Variants in COL21A1 observed in about 807,000 individuals in gnomAD.
COL21A1 encodes the protein collagen alpha-1(XXI) chain.
COL21A1 carries 149 observed loss-of-function variants against 137.9 expected under a neutral mutation model. The observed-to-expected ratio is 1.08, with a 90% CI of 0.95 to 1.24. The LOEUF is 1.24. COL21A1 is among the 50% of genes most tolerant of loss of function. The pLI, the probability that COL21A1 is intolerant of heterozygous loss-of-function variation, is 0.00. For missense variants in COL21A1, 1,167 were observed against 1,158.4 expected, an observed-to-expected ratio of 1.01 and a Z score of -0.11; for synonymous variants, 456 against 391.5, an observed-to-expected ratio of 1.16 and a Z score of -1.95.
At chr6:56,082,296 A>C (rs1462127955) in intron 17 of COL21A1, among the ~76,000 whole-genome samples, 1 of 151,524 alleles carries the variant, frequency 6.6e-6, no homozygotes, top group African/African-American at 2.4e-5. Context: ...TCAGTAAGTG[A>C]AATGCATATG....
chr6:56,324,683 T>C (rs1413901124), intron 1 of COL21A1, among the ~76,000 whole-genome samples: 2 of 152,040 alleles, frequency 1.3e-5, no homozygotes, highest in Admixed American at 1.3e-4. Context: ...CCCAAGTATA[T>C]TACATTAATA....
At chr6:56,140,206 T>C (rs1363591108) in intron 12 of COL21A1, among the ~76,000 whole-genome samples, 1 of 152,194 alleles carries the variant, frequency 6.6e-6, no homozygotes, top group Non-Finnish European at 1.5e-5. Flanking sequence ...ATTTAAAGTA[T>C]TTTTTAGATT....
chr6:56,351,666 G>A (rs1765713777), intron 1 of COL21A1, among the ~76,000 whole-genome samples: 1 of 152,186 alleles, frequency 6.6e-6, no homozygotes, highest in African/African-American at 2.4e-5. Flanking sequence ...CATATTCCAT[G>A]CTCACATCCC....
chr6:56,161,367 A>G (rs150368013), intron 9 of COL21A1, among the ~76,000 whole-genome samples: 16 of 152,326 alleles, frequency 1.1e-4, no homozygotes, highest in Non-Finnish European at 2.2e-4. Context: ...AAGCAGGGGA[A>G]GAAGCTGTTA....
chr6:56,131,544 A>G (rs932153150), intron 12 of COL21A1, among the ~76,000 whole-genome samples: 1 of 152,078 alleles, frequency 6.6e-6, no homozygotes, highest in Non-Finnish European at 1.5e-5. Context: ...AGATGTGGCT[A>G]TAAACACCAT....
At chr6:56,259,141 G>C (rs879930771) in intron 1 of COL21A1, among the ~76,000 whole-genome samples, 3 of 152,166 alleles carry the variant, frequency 2.0e-5, no homozygotes, top group Admixed American at 2.0e-4. Flanking sequence ...TAGAAGAGCT[G>C]ATTTGGGAAG....
chr6:56,229,886 C>A lies in COL21A1; in HGVS notation c.-39+17501G>T, dbSNP rs77218390. ...AAATTCATCCCCTCCACCACCACCA[C>A]CAGCAGCAACAAAAAACTGGAGGGA... On this transcript the variant is annotated intron_variant, in intron 1 of 29. Transcript: ENST00000244728. Among the ~76,000 whole-genome samples the A allele has an allele frequency of 1.3e-3, 190 of 151,954 alleles. No individual in the cohort carries two copies. The East Asian group carries it at 0.013, about 10-fold the overall frequency.
At chr6:56,098,943 C>T (rs1362384450) in intron 17 of COL21A1, among the ~76,000 whole-genome samples, 2 of 150,186 alleles carry the variant, frequency 1.3e-5, no homozygotes, top group Non-Finnish European at 3.0e-5. Flanking sequence ...TCTCAATCTC[C>T]TGCCCTCATG....
At chr6:56,150,011 T>C (rs1405033559) in intron 10 of COL21A1, among the ~76,000 whole-genome samples, 1 of 152,238 alleles carries the variant, frequency 6.6e-6, no homozygotes, top group African/African-American at 2.4e-5. Context: ...CTATGCCATC[T>C]TCCCTTCCTT....
chr6:56,195,670 A>T (rs1778973305), intron 1 of COL21A1, among the ~76,000 whole-genome samples: 1 of 152,108 alleles, frequency 6.6e-6, no homozygotes, highest in Non-Finnish European at 1.5e-5. Context: ...AAACTTACCA[A>T]AACTGAATGA....
At chr6:56,159,269 A>AAAG (rs1311697071) in intron 9 of COL21A1, among the ~76,000 whole-genome samples, 4 of 152,022 alleles carry the variant, frequency 2.6e-5, no homozygotes, top group African/African-American at 9.7e-5. Context: ...GTGTTTTCTC[A>AAAG]AAGTTTTCCC....
chr6:56,246,045 G>A (rs1482745861), intron 1 of COL21A1, among the ~76,000 whole-genome samples: 4 of 151,868 alleles, frequency 2.6e-5, no homozygotes, highest in African/African-American at 9.7e-5. Flanking sequence ...TTGAACTAAT[G>A]GCTTAGAAAC....
chr6:56,233,877 T>C (rs1228041049), intron 1 of COL21A1, among the ~76,000 whole-genome samples: 1 of 151,726 alleles, frequency 6.6e-6, no homozygotes, highest in African/African-American at 2.4e-5. Context: ...AGACTTCTCA[T>C]CACAAAAGTG....
At chr6:56,264,436 A>G in intron 1 of COL21A1, among the ~76,000 whole-genome samples, 1 of 152,088 alleles carries the variant, frequency 6.6e-6, no homozygotes, top group East Asian at 1.9e-4. Flanking sequence ...TCCCTTTGGG[A>G]TGTTTATTCC....
intron 1 of COL21A1, among the ~76,000 whole-genome samples, chr6:56,236,663 T>A (rs1781922788): frequency 6.6e-6 from 1 of 152,042 alleles, no homozygotes; most frequent in African/African-American, 2.4e-5. Context: ...CATTAGACCA[T>A]ATGGAACTCA....
In COL21A1 at chr6:56,170,721, T is replaced by C. The variant is rs758972583; in HGVS notation, c.954A>G (p.Lys318=). The change falls in exon 5 of 30, where the codon AAA becomes AAG. Residue 318 remains lysine (K), a synonymous_variant. Coordinates refer to ENST00000244728, the MANE Select transcript of COL21A1 (RefSeq NM_030820.4). ...CGCTGGTTGTTGTAAATAATAAGAT[T>C]TTGTCCACACCATTTAAGGTAACTG... ...QIAVTLNGVD[K]ILLFTTTSVI... The C allele has an allele frequency of 6.2e-7, 1 of 1,607,482 alleles. No individual in the cohort carries two copies. The highest frequency in any genetic ancestry group is 1.1e-5 in the South Asian group (1 of 90,214).
At chr6:56,272,194 A>G (rs59528413) in intron 1 of COL21A1, among the ~76,000 whole-genome samples, 1,550 of 152,298 alleles carry the variant, frequency 0.01, 32 homozygotes, top group African/African-American at 0.035. Context: ...CCAAGAAAGC[A>G]GTCACAGGGG....
intron 17 of COL21A1, among the ~76,000 whole-genome samples, chr6:56,081,563 T>A (rs1165742949): frequency 6.6e-6 from 1 of 151,862 alleles, no homozygotes; most frequent in Non-Finnish European, 1.5e-5. Context: ...TTTTCCACAG[T>A]AACTGGCAGG....
At chr6:56,335,973 TTGA>T (rs1426071271) in intron 1 of COL21A1, among the ~76,000 whole-genome samples, 1 of 152,178 alleles carries the variant, frequency 6.6e-6, no homozygotes, top group Non-Finnish European at 1.5e-5. Flanking sequence ...TTCCATGACG[TTGA>T]TGATGATGAC....
Sources: allele counts gnomAD v4.1 joint callset (sites outside exome capture counted in the v4.1 genomes callset), GRCh38; gene constraint gnomAD v4.1.1; transcripts MANE v1.5; gene names NCBI Gene and HGNC (gene_info 2026-07-23, HGNC 2026-07-21).